The following GRID1 variants were observed in gnomAD, a reference collection of about 807,000 sequenced individuals.
GRID1 encodes the protein glutamate receptor ionotropic, delta-1.
GRID1 carries 28 observed loss-of-function variants against 98.0 expected under a neutral mutation model. The observed-to-expected ratio is 0.29, with a 90% confidence interval of 0.21 to 0.39. The LOEUF is 0.39. Among genes scored for constraint, GRID1 ranks in the 10% least tolerant of loss-of-function variants. The probability of loss-of-function intolerance (pLI) is 1.00; values close to 1 mark genes in which losing one functional copy is unlikely to be tolerated. For missense variants in GRID1, 1,111 were observed against 1,340.5 expected, an observed-to-expected ratio of 0.83 and a Z score of 2.67; for synonymous variants, 553 against 538.5, an observed-to-expected ratio of 1.03 and a Z score of -0.37.
At chr10:86,123,411 G>T (rs561731908) in intron 4 of GRID1, among the ~76,000 whole-genome samples, 64 of 152,250 alleles carry the variant, frequency 4.2e-4, no homozygotes, top group South Asian at 2.3e-3. Flanking sequence ...GGAGGTAGGG[G>T]CATCACACAG....
intron 5 of GRID1, among the ~76,000 whole-genome samples, chr10:85,902,346 A>G (rs2131816411): frequency 6.6e-6 from 1 of 152,344 alleles, no homozygotes; most frequent in Middle Eastern, 3.4e-3. Flanking sequence ...TCATCACACT[A>G]TGCAGAAGAG....
chr10:85,958,731 G>C (rs555273378), intron 4 of GRID1, among the ~76,000 whole-genome samples: 1 of 152,276 alleles, frequency 6.6e-6, no homozygotes, highest in South Asian at 2.1e-4. Context: ...GCTGAGGCAG[G>C]CAGATCACCT....
Position 85,762,908 on chromosome 10 carries a change from G to A in GRID1, c.1234-33294C>T, listed in dbSNP as rs114552440. Among the ~76,000 whole-genome samples the A allele has an allele frequency of 2.7e-3, 407 of 152,198 alleles. 4 individuals are homozygous for A. The highest frequency in any genetic ancestry group is 9.5e-3 in the African/African-American group (396 of 41,512). ...ACAGGAGGCCCCTGAGTAGCCTCAGGGTTAAAACCTAGTCCAAAGTCACAG... is the reference window on the plus strand; with the variant it reads ...ACAGGAGGCCCCTGAGTAGCCTCAGAGTTAAAACCTAGTCCAAAGTCACAG... On this transcript the variant is annotated intron_variant, in intron 8 of 15. Transcript: ENST00000327946.
At chr10:86,256,442 G>C (rs1846918741) in intron 2 of GRID1, among the ~76,000 whole-genome samples, 1 of 152,162 alleles carries the variant, frequency 6.6e-6, no homozygotes, top group African/African-American at 2.4e-5. Flanking sequence ...TCCACCCTGG[G>C]TGACAGAGTG....
intron 4 of GRID1, among the ~76,000 whole-genome samples, chr10:86,012,147 G>A (rs187583869): frequency 9.8e-4 from 148 of 151,230 alleles, no homozygotes; most frequent in Non-Finnish European, 1.7e-3. Flanking sequence ...AAATAAAGTA[G>A]ATGTACCTCA....
At chr10:86,321,442 T>C (rs1258141446) in intron 2 of GRID1, among the ~76,000 whole-genome samples, 2 of 152,064 alleles carry the variant, frequency 1.3e-5, no homozygotes, top group East Asian at 3.9e-4. Flanking sequence ...AAAACCAGAA[T>C]GGGGTTCTTT....
intron 6 of GRID1, 111 bp from the exon 7 acceptor site, chr10:85,856,301 C>T: frequency 1.1e-6 from 1 of 934,876 alleles, no homozygotes; most frequent in Non-Finnish European, 1.7e-6. Flanking sequence ...AGCTGTGGTG[C>T]CCAGTATCTA....
At chr10:85,754,917 C>T (rs1590217889) in intron 8 of GRID1, among the ~76,000 whole-genome samples, 1 of 152,274 alleles carries the variant, frequency 6.6e-6, no homozygotes, top group Middle Eastern at 3.4e-3. Flanking sequence ...AAATGACTGG[C>T]ATATTGGAGG....
chr10:86,319,706 C>T (rs1847944460), intron 2 of GRID1, among the ~76,000 whole-genome samples: 1 of 152,222 alleles, frequency 6.6e-6, no homozygotes, highest in African/African-American at 2.4e-5. Context: ...GGGAGGTGGG[C>T]AATCCTGGTG....
intron 2 of GRID1, among the ~76,000 whole-genome samples, chr10:86,283,094 A>C (rs897969309): frequency 2.6e-5 from 4 of 152,086 alleles, no homozygotes; most frequent in Admixed American, 1.3e-4. Flanking sequence ...CTGCCTGTCC[A>C]TGTGCCCTCA....
chr10:86,283,711 C>T (rs1460977359), intron 2 of GRID1, among the ~76,000 whole-genome samples: 1 of 150,672 alleles, frequency 6.6e-6, no homozygotes, highest in East Asian at 2.0e-4. Context: ...TCACACACAA[C>T]AGCAAATACA....
At chr10:86,135,527 G>A (rs942924597) in intron 4 of GRID1, among the ~76,000 whole-genome samples, 1 of 152,068 alleles carries the variant, frequency 6.6e-6, no homozygotes, top group Non-Finnish European at 1.5e-5. Flanking sequence ...TGTTGTGGTG[G>A]CTACTAAGAT....
intron 8 of GRID1, among the ~76,000 whole-genome samples, chr10:85,808,481 A>T (rs1164406295): frequency 6.6e-6 from 1 of 152,214 alleles, no homozygotes; most frequent in Non-Finnish European, 1.5e-5. Context: ...CTGACCAACT[A>T]GGAAAATGGA....
At chr10:85,769,890 G>A (rs1842239487) in intron 8 of GRID1, among the ~76,000 whole-genome samples, 1 of 152,182 alleles carries the variant, frequency 6.6e-6, no homozygotes, top group Non-Finnish European at 1.5e-5. Flanking sequence ...TCCACCTCTG[G>A]GGGCAGGGCA....
chr10:85,664,716 C>T (rs932493248), intron 12 of GRID1, among the ~76,000 whole-genome samples: 3 of 152,198 alleles, frequency 2.0e-5, no homozygotes, highest in East Asian at 1.9e-4. Flanking sequence ...TCCAGGAGGG[C>T]GCAATAGGTC....
At chr10:86,207,577 C>A (rs929065829) in intron 2 of GRID1, among the ~76,000 whole-genome samples, 1 of 150,708 alleles carries the variant, frequency 6.6e-6, no homozygotes, top group Non-Finnish European at 1.5e-5. Context: ...GCAAACATCT[C>A]TTACTAATGG....
chr10:86,306,235 C>G (rs1030154147), intron 2 of GRID1, among the ~76,000 whole-genome samples: 1 of 152,176 alleles, frequency 6.6e-6, no homozygotes, highest in African/African-American at 2.4e-5. Flanking sequence ...AGCTTGGGAG[C>G]CCCTCATGCT....
intron 2 of GRID1, among the ~76,000 whole-genome samples, chr10:86,298,566 C>T (rs1194024449): frequency 6.6e-6 from 1 of 152,200 alleles, no homozygotes; most frequent in Non-Finnish European, 1.5e-5. Context: ...CCTGGAGACC[C>T]AGGCTTCTAC....
chr10:86,035,041 G>T (rs548571602), intron 4 of GRID1, among the ~76,000 whole-genome samples: 1 of 151,638 alleles, frequency 6.6e-6, no homozygotes, highest in Non-Finnish European at 1.5e-5. Flanking sequence ...CTAGGATCTA[G>T]GCTCCAGGGA....
Sources: gnomAD v4.1 joint callset for allele counts (sites outside exome capture counted in the v4.1 genomes callset) on GRCh38, gnomAD v4.1.1 for gene constraint, MANE v1.5 for transcripts, NCBI Gene and HGNC (gene_info 2026-07-23, HGNC 2026-07-21) for gene names.